Variants in DENND2A observed in about 807,000 individuals in gnomAD.
DENND2A encodes DENN domain-containing protein 2A.
DENND2A carries 53 observed loss-of-function variants against 105.3 expected under a neutral mutation model. The ratio of observed to expected loss-of-function variants is 0.50; its 90% CI spans 0.40 to 0.63. DENND2A has a LOEUF of 0.63. Among genes scored for constraint, DENND2A ranks in the 30% least tolerant of loss-of-function variants. The pLI is 0.00. For synonymous variants in DENND2A, 522 were observed against 508.4 expected, an observed-to-expected ratio of 1.03 and a Z score of -0.36; for missense variants, 1,138 against 1,279.6, an observed-to-expected ratio of 0.89 and a Z score of 1.69.
intron 1 of DENND2A, among the ~76,000 whole-genome samples, chr7:140,634,088 T>C (rs1800833369): frequency 6.6e-6 from 1 of 150,896 alleles, no homozygotes; most frequent in Non-Finnish European, 1.5e-5. Flanking sequence ...AACCTCCACC[T>C]ACCGGGTTCA....
In DENND2A at chr7:140,518,649, G is replaced by C; in HGVS notation, c.*58C>G. On this transcript the variant is annotated 3_prime_UTR_variant, in exon 20 of 20. Coordinates refer to ENST00000496613, the MANE Select transcript of DENND2A (RefSeq NM_015689.5). ...CCCAGCCTTTCAGAAAGGCCACCAGGAACTGTTTTTAAAGCATAGGGCTGC... is the reference window on the plus strand; with the variant it reads ...CCCAGCCTTTCAGAAAGGCCACCAGCAACTGTTTTTAAAGCATAGGGCTGC... 6.4e-7 allele frequency: 1 copy of C among 1,568,048 alleles called. No individual in the cohort carries two copies.
chr7:140,561,592 G>A (rs569773677), intron 9 of DENND2A, among the ~76,000 whole-genome samples: 28 of 144,502 alleles, frequency 1.9e-4, no homozygotes, highest in South Asian at 4.4e-4. Context: ...GGTTCTCTGC[G>A]TCATGGGTTC....
At chr7:140,534,655 A>T (rs2130491992) in intron 14 of DENND2A, among the ~76,000 whole-genome samples, 1 of 152,308 alleles carries the variant, frequency 6.6e-6, no homozygotes, top group African/African-American at 2.4e-5. Context: ...GCCAATAGTC[A>T]GTGGTTCTGG....
intron 1 of DENND2A, among the ~76,000 whole-genome samples, chr7:140,638,531 T>C (rs1267797027): frequency 2.0e-5 from 3 of 152,228 alleles, no homozygotes; most frequent in Middle Eastern, 3.4e-3. Flanking sequence ...ACCCAACAAC[T>C]AGAAGGAGCG....
intron 1 of DENND2A, among the ~76,000 whole-genome samples, chr7:140,606,449 T>C (rs999284243): frequency 6.6e-6 from 1 of 152,298 alleles, no homozygotes. Context: ...TTAGGGTCTC[T>C]AAGAACCACT....
intron 2 of DENND2A, among the ~76,000 whole-genome samples, chr7:140,604,218 T>C (rs1251561414): frequency 6.6e-6 from 1 of 152,274 alleles, no homozygotes; most frequent in East Asian, 1.9e-4. Flanking sequence ...ATGCATCCTG[T>C]TACTATTTAG....
intron 1 of DENND2A, among the ~76,000 whole-genome samples, chr7:140,630,562 T>C (rs1017786984): frequency 6.6e-6 from 1 of 152,038 alleles, no homozygotes; most frequent in Non-Finnish European, 1.5e-5. Flanking sequence ...GTATTCAAAA[T>C]ACATAACAGG....
chr7:140,577,405 T>TC (rs1422871648), intron 5 of DENND2A, among the ~76,000 whole-genome samples: 2 of 151,230 alleles, frequency 1.3e-5, no homozygotes, highest in African/African-American at 4.9e-5. Context: ...TTTTCTTTTT[T>TC]TTTTTTTTTT....
chr7:140,533,878 T>A (rs1585567810), intron 14 of DENND2A, among the ~76,000 whole-genome samples: 1 of 152,048 alleles, frequency 6.6e-6, no homozygotes, highest in African/African-American at 2.4e-5. Context: ...AGCAGGCAGG[T>A]GAAGGGTCTT....
intron 1 of DENND2A, among the ~76,000 whole-genome samples, chr7:140,624,898 T>A (rs1800459816): frequency 6.7e-6 from 1 of 148,762 alleles, no homozygotes; most frequent in Admixed American, 6.7e-5. Flanking sequence ...TGAGACAGCA[T>A]CTCTCTCTGT....
chr7:140,600,200 A>G (rs1484352234), intron 3 of DENND2A, among the ~76,000 whole-genome samples: 1 of 151,758 alleles, frequency 6.6e-6, no homozygotes, highest in Admixed American at 6.6e-5. Flanking sequence ...TGGACACGTT[A>G]AGTATAAATG....
At chr7:140,581,656 C>T (rs1334651735) in intron 5 of DENND2A, among the ~76,000 whole-genome samples, 1 of 152,208 alleles carries the variant, frequency 6.6e-6, no homozygotes. Context: ...ACACAGCAGA[C>T]ACCCAGATGT....
At chr7:140,579,091 C>G (rs1302580038) in intron 5 of DENND2A, among the ~76,000 whole-genome samples, 2 of 151,996 alleles carry the variant, frequency 1.3e-5, no homozygotes, top group Non-Finnish European at 2.9e-5. Flanking sequence ...GTCAAGAGAT[C>G]GAGACCATCT....
chr7:140,595,879 G>A (rs549073307), intron 3 of DENND2A, among the ~76,000 whole-genome samples: 1 of 152,214 alleles, frequency 6.6e-6, no homozygotes, highest in Admixed American at 6.5e-5. Flanking sequence ...TCCTCCAGCT[G>A]CCAGAGTCTT....
Position 140,555,649 on chromosome 7 carries a change from C to T in DENND2A, c.2024G>A (p.Ser675Asn), listed in dbSNP as rs775286405. The T allele has an allele frequency of 6.2e-7, 1 of 1,610,914 alleles. No individual in the cohort carries two copies. The highest frequency in any genetic ancestry group is 8.5e-7 in the Non-Finnish European group (1 of 1,178,948). The change falls in exon 12 of 20, where the codon AGC becomes AAC. Residue 675 changes from serine to asparagine, a missense_variant. Transcript: ENST00000496613. ...YCIVSRLGCFSLFSRILDEVE... is the reference protein window; with the variant it reads ...YCIVSRLGCFNLFSRILDEVE... ...CCAAGTTCTCACCCTTGAAAAGAGG[C>T]TGAAGCATCCCAGGCGGCTCACAAT...
At chr7:140,542,915 T>C (rs1269533743) in intron 14 of DENND2A, among the ~76,000 whole-genome samples, 1 of 152,010 alleles carries the variant, frequency 6.6e-6, no homozygotes, top group Non-Finnish European at 1.5e-5. Context: ...TCCCCATATC[T>C]ATGTAGGATG....
chr7:140,624,451 A>G (rs1204008726), intron 1 of DENND2A, among the ~76,000 whole-genome samples: 1 of 152,228 alleles, frequency 6.6e-6, no homozygotes, highest in Non-Finnish European at 1.5e-5. Context: ...GGGAGGGAAC[A>G]GGTGGGACGC....
rs376061790 is a variant in DENND2A, at chr7:140,626,414, G to A, written c.-248+14090C>T. Among the ~76,000 whole-genome samples, 8 of 152,238 alleles carry A rather than the reference G, an allele frequency of 5.3e-5. 1 individual carries two copies. Among genetic ancestry groups the A allele is most frequent in the African/African-American group, 1.9e-4 (8 of 41,544 alleles). ...CACTGGATAGTAATCCTGAGAATGG[G>A]AGGAAGGACCACCCGGTGTGATCTG... On this transcript the variant is annotated intron_variant, in intron 1 of 19. Coordinates refer to ENST00000496613, the MANE Select transcript of DENND2A (RefSeq NM_015689.5).
chr7:140,611,071 G>A (rs987995585), intron 1 of DENND2A, among the ~76,000 whole-genome samples: 5 of 152,064 alleles, frequency 3.3e-5, no homozygotes, highest in African/African-American at 7.2e-5. Context: ...TTTGAGACGA[G>A]TTTCACTCCT....
Sources: allele counts gnomAD v4.1 joint callset (sites outside exome capture counted in the v4.1 genomes callset), GRCh38; gene constraint gnomAD v4.1.1; transcripts MANE v1.5; gene names NCBI Gene and HGNC (gene_info 2026-07-23, HGNC 2026-07-21).